Variants in PCNX4 observed in about 807,000 individuals in gnomAD.
PCNX4 encodes the protein pecanex-like protein 4.
In PCNX4, 103 loss-of-function variants were observed where a neutral mutation model predicts 107.2. The observed-to-expected ratio is 0.96, with a 90% CI of 0.82 to 1.13. The LOEUF (loss-of-function observed/expected upper bound fraction) is 1.13. Among genes scored for constraint, PCNX4 ranks in the 50% most tolerant of loss-of-function variants. The probability of loss-of-function intolerance (pLI) is 0.00; values close to 1 mark genes in which losing one functional copy is unlikely to be tolerated. For synonymous variants in PCNX4, 541 were observed against 481.7 expected (o/e 1.12, Z -1.61); for missense variants, 1,528 against 1,379.4 (o/e 1.11, Z -1.71).
rs1896235900 is a variant in PCNX4, at chr14:60,136,066, A to C, written c.*1845A>C. ...GTTTTCTCTTTCATTTACTTGTCAA[A>C]TCATTCCAATCTGGATCCCATCTCC... On this transcript the variant is annotated 3_prime_UTR_variant, in exon 11 of 11. Transcript: ENST00000406854. 6.6e-6 allele frequency: 1 copy of C among 151,934 alleles called. No homozygotes were observed. Among genetic ancestry groups the C allele is most frequent in the Admixed American group, 6.6e-5 (1 of 15,264 alleles). The allele number at this position is 151,934 out of a possible 1,614,324, so 9.4% of individuals were successfully genotyped here.
intron 2 of PCNX4, chr14:60,110,096 C>A (rs188768750): frequency 1.2e-5 from 2 of 167,070 alleles, no homozygotes; most frequent in Admixed American, 1.3e-4. Flanking sequence ...CTGAAGAGAA[C>A]ACCAAAAGTG....
At chr14:60,115,684 CTTAA>C in intron 4 of PCNX4, 31 bp from the exon 5 acceptor site, 2 of 1,561,942 alleles carry the variant, frequency 1.3e-6, no homozygotes, top group Non-Finnish European at 8.8e-7. Context: ...GCTATTTTGC[CTTAA>C]TTAAATTTCT....
At chr14:60,127,516 TGA>T (rs1896077734) in intron 10 of PCNX4, among the ~76,000 whole-genome samples, 1 of 152,182 alleles carries the variant, frequency 6.6e-6, no homozygotes. Flanking sequence ...CTGTACTCTA[TGA>T]GAGGTCATAT....
In PCNX4 at chr14:60,108,257, A is replaced by T. The variant is rs1895669607; in HGVS notation, c.619A>T (p.Thr207Ser). The part of the protein sequence containing the change: ...TETATFQTQD[T>S]YEIIPLMRPL... ...GACTGCGACTTTCCAAACACAGGAT[A>T]CTTATGAAATTATTCCTCTTATGAG... Residue 207 changes from threonine to serine, a missense_variant, in exon 2 of 11, where the codon ACT becomes TCT. Coordinates refer to ENST00000406854, the MANE Select transcript of PCNX4 (RefSeq NM_001330177.2). The T allele has an allele frequency of 1.2e-6, 2 of 1,612,706 alleles. No individual in the cohort carries two copies. The highest frequency in any genetic ancestry group is 1.7e-6 in the Non-Finnish European group (2 of 1,179,778).
rs775391508 is a variant in PCNX4 at position 60,124,356 on chromosome 14, A to G, written c.2185A>G (p.Thr729Ala). 1.9e-6 allele frequency: 3 copies of G among 1,613,186 alleles called. No homozygotes were observed. Among genetic ancestry groups the G allele is most frequent in the Admixed American group, 3.3e-5 (2 of 59,810 alleles). The change falls in exon 9 of 11, where the codon ACT (threonine) becomes GCT (alanine). Residue 729 changes from threonine to alanine, a missense_variant. Physicochemically the swap from Thr to Ala is moderately conservative, Grantham distance 58. Transcript: ENST00000406854. ...CTTTGGAAATGTCTTGACACCCTGT[A>G]CTGTTTTGCCTGTGAAATTGTATTC... ...EHFGNVLTPC[T>A]VLPVKLYSDA...
rs528106316 is a variant in PCNX4 at position 60,104,752 on chromosome 14, G to A, written c.-53-2834G>A. 3.3e-5 allele frequency among the ~76,000 whole-genome samples: 5 copies of A among 152,266 alleles called. No homozygotes were observed. The South Asian group carries it at 1.0e-3, about 32-fold the overall frequency. ...AGACTTATTCACTACCACAAGAACA[G>A]TATGGGGGAAACCACCCCCATGATT... is the stretch of plus-strand genomic sequence containing the variant. On this transcript the variant is annotated intron_variant, in intron 1 of 10. Coordinates refer to ENST00000406854, the MANE Select transcript of PCNX4 (RefSeq NM_001330177.2).
In PCNX4 at chr14:60,120,372, C is replaced by T. The variant is rs191428291; in HGVS notation, c.1943-824C>T. On this transcript the variant is annotated intron_variant, in intron 7 of 10. Transcript: ENST00000406854. ...ATACTCCAGAATCCCAAAAGGAGAG[C>T]AGATGTTCAGTATATACTATATTGT... Among the ~76,000 whole-genome samples, 139 of 152,222 alleles carry T rather than the reference C, an allele frequency of 9.1e-4. 1 individual carries two copies. Among genetic ancestry groups the T allele is most frequent in the Non-Finnish European group, 1.2e-4 (8 of 68,022 alleles).
At chr14:60,106,739 AT>A (rs1895637027) in intron 1 of PCNX4, among the ~76,000 whole-genome samples, 1 of 146,510 alleles carries the variant, frequency 6.8e-6, no homozygotes, top group South Asian at 2.2e-4. Context: ...AGGAAAGATT[AT>A]TTTTAAACTG....
In PCNX4 at chr14:60,121,263, G is replaced by A. The variant is rs773491628; in HGVS notation, c.2010G>A (p.Leu670=). The A allele has an allele frequency of 1.2e-4, 188 of 1,599,160 alleles. 1 individual carries two copies. In the East Asian group the frequency reaches 4.2e-3, roughly 36 times the overall value. ...ATCGTTTAATGTGGATAATGATTCT[G>A]GAATGTGGCTATACTTACTGCTCTA... is the stretch of plus-strand genomic sequence containing the variant. ...FQDRLMWIMI[L]ECGYTYCSIN... The change falls in exon 8 of 11, where the codon CTG becomes CTA. Residue 670 remains leucine, a synonymous_variant. Transcript: ENST00000406854.
chr14:60,096,991 C>T (rs1895437728), intron 1 of PCNX4, among the ~76,000 whole-genome samples: 1 of 152,180 alleles, frequency 6.6e-6, no homozygotes, highest in Non-Finnish European at 1.5e-5. Context: ...AACTGTAGCA[C>T]ACCTGTTGTT....
chr14:60,122,348 G>A (rs1895971199), intron 8 of PCNX4, among the ~76,000 whole-genome samples: 1 of 152,064 alleles, frequency 6.6e-6, no homozygotes, highest in Non-Finnish European at 1.5e-5. Context: ...TAAAAGCCAG[G>A]CTCTAAATGG....
In PCNX4 at chr14:60,146,016, T is replaced by TATATATATAC. The variant is rs1896397362; in HGVS notation, c.*11805_*11814dup. ...TTAGACGCTTATCAATAAGAAAATTTATATATATACATATATATAAAATAT... is the reference window on the plus strand; with the variant it reads ...TTAGACGCTTATCAATAAGAAAATTTATATATATACATATATATACATATATATAAAATAT... On this transcript the variant is annotated 3_prime_UTR_variant, in exon 11 of 11. Transcript: ENST00000406854. This position sits in a 1 kb window ranked among gnomAD's most constrained non-coding sequence, Gnocchi z 4.9. The TATATATATAC allele has an allele frequency of 6.7e-6, 1 of 149,598 alleles. No individual in the cohort carries two copies. Among genetic ancestry groups the TATATATATAC allele is most frequent in the African/African-American group, 2.4e-5 (1 of 40,994 alleles). 9.3% of individuals were successfully genotyped at this position (149,598 alleles called of 1,614,324 possible).
chr14:60,125,818 A>G lies in PCNX4; in HGVS notation c.3262A>G (p.Asn1088Asp), dbSNP rs761237141. 1.3e-6 allele frequency: 2 copies of G among 1,599,778 alleles called. No individual in the cohort carries two copies. Among genetic ancestry groups the G allele is most frequent in the Non-Finnish European group, 1.7e-6 (2 of 1,175,026 alleles). The change falls in exon 10 of 11, where the codon AAT (asparagine) becomes GAT (aspartate). Residue 1088 changes from asparagine (N) to aspartate (D), a missense_variant. Asn to Asp is a conservative substitution (Grantham distance 23). Coordinates refer to ENST00000406854, the MANE Select transcript of PCNX4 (RefSeq NM_001330177.2). ...CTTGTTTTCTCTGGGGTATGATTCT[A>G]ATATGGTAAGGTTAAAAAATTTTTA... Reference protein sequence around the residue: ...PYLFSLGYDSNMGIYTGRVLS... With the variant: ...PYLFSLGYDSDMGIYTGRVLS...
At chr14:60,114,033 T>C (rs1895789789) in intron 2 of PCNX4, among the ~76,000 whole-genome samples, 1 of 152,210 alleles carries the variant, frequency 6.6e-6, no homozygotes, top group Non-Finnish European at 1.5e-5. Flanking sequence ...ATACCACTGC[T>C]TATACAAAAT....
chr14:60,125,951 G>A (rs1016134850), intron 10 of PCNX4, 128 bp downstream of exon 10: 18 of 665,282 alleles, frequency 2.7e-5, no homozygotes, highest in Non-Finnish European at 3.7e-5. Flanking sequence ...TAGTTTTAAG[G>A]CATTTGTAAT....
intron 8 of PCNX4, among the ~76,000 whole-genome samples, chr14:60,121,632 A>G (rs308994): frequency 0.25 from 37,632 of 151,916 alleles, 6,735 homozygotes; most frequent in African/African-American, 0.5. Context: ...CTTAATAAAA[A>G]CTGTCTTCTA....
At chr14:60,127,511 C>T (rs1430391374) in intron 10 of PCNX4, among the ~76,000 whole-genome samples, 6 of 152,150 alleles carry the variant, frequency 3.9e-5, no homozygotes, top group Non-Finnish European at 2.9e-5. Flanking sequence ...TTTGGCTGTA[C>T]TCTATGAGAG....
At chr14:60,092,770 G>A (rs532320647) in intron 1 of PCNX4, among the ~76,000 whole-genome samples, 2 of 152,224 alleles carry the variant, frequency 1.3e-5, no homozygotes, top group African/African-American at 4.8e-5. Context: ...TCTTTTGTCC[G>A]AATTGTTCAA....
At chr14:60,130,451 A>G (rs1306012096) in intron 10 of PCNX4, among the ~76,000 whole-genome samples, 4 of 152,184 alleles carry the variant, frequency 2.6e-5, no homozygotes, top group African/African-American at 7.2e-5. Context: ...CTGAACATCT[A>G]TGAAAAACTC....
Sources: gnomAD v4.1 joint callset for allele counts (sites outside exome capture counted in the v4.1 genomes callset) on GRCh38, gnomAD v4.1.1 for gene constraint, Gnocchi (gnomAD v3.1) non-coding constraint, MANE v1.5 for transcripts, NCBI Gene and HGNC (gene_info 2026-07-23, HGNC 2026-07-21) for gene names.